The following CNTN6 variants were observed in gnomAD, a reference collection of about 807,000 sequenced individuals.
CNTN6 encodes the protein contactin-6.
Under a neutral mutation model 122.8 loss-of-function variants are expected in CNTN6, and 137 were observed. The ratio of observed to expected loss-of-function variants is 1.12; its 90% confidence interval spans 0.97 to 1.29. CNTN6 has a LOEUF of 1.29. Among genes scored for constraint, CNTN6 ranks in the 50% most tolerant of loss-of-function variants. The probability of loss-of-function intolerance (pLI) is 0.00; values close to 1 mark genes in which losing one functional copy is unlikely to be tolerated. For synonymous variants in CNTN6, 570 were observed against 426.0 expected, an observed-to-expected ratio of 1.34 and a Z score of -4.16; for missense variants, 1,634 against 1,223.4, an observed-to-expected ratio of 1.34 and a Z score of -5.01.
chr3:1,199,750 A>G (rs2093833887), intron 2 of CNTN6, among the ~76,000 whole-genome samples: 1 of 152,140 alleles, frequency 6.6e-6, no homozygotes, highest in Non-Finnish European at 1.5e-5. Context: ...CATGGCTCAA[A>G]AGGAAACTCT....
chr3:1,288,269 A>G (rs17037184), intron 5 of CNTN6, among the ~76,000 whole-genome samples: 12,987 of 152,234 alleles, frequency 0.085, 679 homozygotes, highest in East Asian at 0.2. Context: ...AAGGGATCCA[A>G]TAAAATCCAG....
At chr3:1,297,742 A>G in intron 6 of CNTN6, 147 bp from the exon 7 acceptor site, 1 of 600,002 alleles carries the variant, frequency 1.7e-6, no homozygotes, top group Non-Finnish European at 2.8e-6. Context: ...ACACAGAAGC[A>G]TTTTAGAATC....
At chr3:1,228,108 T>C (rs1272386833) in intron 4 of CNTN6, 115 bp downstream of exon 4, 2 of 927,270 alleles carry the variant, frequency 2.2e-6, no homozygotes, top group East Asian at 2.5e-5. Context: ...AATATGACTT[T>C]ATGGGCTTTT....
chr3:1,354,126 G>GGT (rs1706143020), intron 12 of CNTN6, among the ~76,000 whole-genome samples: 1 of 151,406 alleles, frequency 6.6e-6, no homozygotes, highest in Non-Finnish European at 1.5e-5. Flanking sequence ...AAAAATAAAA[G>GGT]GTGACGGCTA....
intron 11 of CNTN6, among the ~76,000 whole-genome samples, chr3:1,341,198 TA>T (rs1703841720): frequency 1.3e-5 from 2 of 150,512 alleles, no homozygotes; most frequent in South Asian, 4.2e-4. Flanking sequence ...TTTTTTTTTT[TA>T]ATTTATTTCT....
At chr3:1,171,750 G>A (rs949959559) in intron 2 of CNTN6, among the ~76,000 whole-genome samples, 2 of 152,054 alleles carry the variant, frequency 1.3e-5, no homozygotes, top group Admixed American at 6.6e-5. Flanking sequence ...GGGACTACAG[G>A]TGCATGCCAC....
intron 7 of CNTN6, among the ~76,000 whole-genome samples, chr3:1,301,591 T>C (rs1697428213): frequency 6.6e-6 from 1 of 152,178 alleles, no homozygotes; most frequent in Non-Finnish European, 1.5e-5. Context: ...AAATTCTTGA[T>C]TTAATAGAGT....
At chr3:1,233,812 A>G (rs1335667371) in intron 4 of CNTN6, among the ~76,000 whole-genome samples, 1 of 151,686 alleles carries the variant, frequency 6.6e-6, no homozygotes, top group South Asian at 2.1e-4. Context: ...TGACATATTA[A>G]TGATATTATT....
chr3:1,177,112 C>G (rs949686639), intron 2 of CNTN6, among the ~76,000 whole-genome samples: 1 of 152,126 alleles, frequency 6.6e-6, no homozygotes, highest in East Asian at 1.9e-4. Flanking sequence ...GAACCCTTCT[C>G]CATGGCCTGG....
chr3:1,228,076 G>T, intron 4 of CNTN6, 83 bp downstream of exon 4: 1 of 1,329,036 alleles, frequency 7.5e-7, no homozygotes, highest in Non-Finnish European at 1.1e-6. Flanking sequence ...ATCTAGCTTT[G>T]CCAATGATAT....
At chr3:1,112,285 G>C (rs948130012) in intron 1 of CNTN6, among the ~76,000 whole-genome samples, 1 of 152,120 alleles carries the variant, frequency 6.6e-6, no homozygotes, top group Admixed American at 6.5e-5. Context: ...TAGCTATTAT[G>C]ACAGAAGTTT....
At chr3:1,269,461 A>C (rs2094985720) in intron 4 of CNTN6, among the ~76,000 whole-genome samples, 2 of 152,284 alleles carry the variant, frequency 1.3e-5, no homozygotes, top group South Asian at 2.1e-4. Flanking sequence ...CAGTTCCATA[A>C]TTGTGTTCTG....
chr3:1,267,182 G>A (rs762998499), intron 4 of CNTN6, among the ~76,000 whole-genome samples: 2 of 152,002 alleles, frequency 1.3e-5, no homozygotes, highest in Admixed American at 1.3e-4. Context: ...GACTCTGTTT[G>A]CTTGCTCTTG....
chr3:1,393,872 T>C, intron 20 of CNTN6, among the ~76,000 whole-genome samples: 1 of 152,232 alleles, frequency 6.6e-6, no homozygotes, highest in East Asian at 1.9e-4. Flanking sequence ...TGAGATTTTC[T>C]GTATGATATA....
intron 20 of CNTN6, among the ~76,000 whole-genome samples, chr3:1,388,422 C>G (rs7649293): frequency 0.026 from 3,856 of 148,086 alleles, 69 homozygotes; most frequent in Middle Eastern, 0.041. Context: ...ACATCACCAT[C>G]ATCAAAGACC....
At chr3:1,396,856 C>T (rs1443039409) in intron 20 of CNTN6, among the ~76,000 whole-genome samples, 1 of 152,174 alleles carries the variant, frequency 6.6e-6, no homozygotes, top group Non-Finnish European at 1.5e-5. Flanking sequence ...TTTGACTCTC[C>T]ATGTCCTTGA....
intron 4 of CNTN6, among the ~76,000 whole-genome samples, chr3:1,249,351 A>G (rs1490510784): frequency 1.3e-5 from 2 of 152,338 alleles, no homozygotes; most frequent in African/African-American, 2.4e-5. Context: ...AGCAGTAAGT[A>G]AAATAAGGTC....
At chr3:1,261,054 A>G (rs2094838305) in intron 4 of CNTN6, among the ~76,000 whole-genome samples, 1 of 152,188 alleles carries the variant, frequency 6.6e-6, no homozygotes, top group Non-Finnish European at 1.5e-5. Flanking sequence ...GGAAAAAAAA[A>G]TTAGAGAAAC....
At chr3:1,176,696 T>G (rs976556735) in intron 2 of CNTN6, among the ~76,000 whole-genome samples, 3 of 152,228 alleles carry the variant, frequency 2.0e-5, no homozygotes, top group African/African-American at 7.2e-5. Context: ...ACTATGTCTG[T>G]TTATTTAAGA....
Sources: allele counts gnomAD v4.1 joint callset (sites outside exome capture counted in the v4.1 genomes callset), GRCh38; gene constraint gnomAD v4.1.1; transcripts MANE v1.5; gene names NCBI Gene and HGNC (gene_info 2026-07-23, HGNC 2026-07-21).